The following ESYT3 variants were observed in gnomAD, a reference collection of about 807,000 sequenced individuals.
The protein encoded by ESYT3 is extended synaptotagmin-3.
In ESYT3, 101 loss-of-function variants were observed where a neutral mutation model predicts 111.5. That is an observed-to-expected ratio of 0.91 (90% CI 0.77 to 1.07). The LOEUF (loss-of-function observed/expected upper bound fraction) is 1.07. Ranked by LOEUF, ESYT3 falls within the 50% of genes least tolerant of loss-of-function variation. ESYT3 has a pLI of 0.00. For synonymous variants in ESYT3, 416 were observed against 446.8 expected (o/e 0.93, Z 0.87); for missense variants, 1,097 against 1,109.4 (o/e 0.99, Z 0.16).
rs1029599489 is a variant in ESYT3, at chr3:138,462,011, T to C, written c.795-75T>C. On this transcript the variant is annotated intron_variant, in intron 7 of 22. Transcript: ENST00000389567. ...CCTACCAATCTGGGCTCCTGGTTCC[T>C]GCTAGGGATGGAGTGGCAGGTGGCA... The C allele has an allele frequency of 8.7e-6, 14 of 1,605,910 alleles. No individual in the cohort carries two copies. In the African/African-American group the frequency reaches 1.5e-4, roughly 17 times the overall value.
In ESYT3 at chr3:138,473,351, G is replaced by A. The variant is rs541223763; in HGVS notation, c.2238-185G>A. 8.1e-6 allele frequency: 5 copies of A among 616,190 alleles called. No individual in the cohort carries two copies. In the Admixed American group the frequency reaches 9.6e-5, roughly 12 times the overall value. 38.2% of individuals were successfully genotyped at this position (616,190 alleles called of 1,614,324 possible). A position where few individuals can be genotyped will look rare whatever the true frequency, so the allele number is the denominator to read the frequency against. ...TCAGGGTTCCCGTTCTTCCTACTAT[G>A]AAGTAGGATAATTATACATGAATGC... is the stretch of plus-strand genomic sequence containing the variant. On this transcript the variant is annotated intron_variant, in intron 18 of 22. Transcript: ENST00000389567.
chr3:138,451,265 C>A lies in ESYT3; in HGVS notation c.328-783C>A, dbSNP rs563881166. Among the ~76,000 whole-genome samples, 4 of 152,220 alleles carry A rather than the reference C, an allele frequency of 2.6e-5. No homozygotes were observed. The South Asian group carries it at 8.3e-4, about 32-fold the overall frequency. ...GACCCCGTAGTTGGAAGCTATGTGA[C>A]TATAGGAAGGGCCTAAGGGGAAGGG... On this transcript the variant is annotated intron_variant, in intron 1 of 22. Transcript: ENST00000389567.
Position 138,474,326 on chromosome 3 carries a change from G to C in ESYT3, c.2442G>C (p.Lys814Asn). ...GTAAGAAGACTTCAGTGAAGCGGAA[G>C]ACCTTGGAACCCCTGTTTGATGAGA... ...ACRKKTSVKR[K>N]TLEPLFDETF... Residue 814 changes from lysine (K) to asparagine (N), a missense_variant, in exon 20 of 23, where the codon AAG (lysine) becomes AAC (asparagine). By Grantham distance (94) the Lys-to-Asn change is moderately conservative. Transcript: ENST00000389567. The C allele has an allele frequency of 6.2e-7, 1 of 1,602,786 alleles. No individual in the cohort carries two copies. The highest frequency in any genetic ancestry group is 2.2e-5 in the East Asian group (1 of 44,812).
In ESYT3 at chr3:138,473,039, C is replaced by T. The variant is rs2033312809; in HGVS notation, c.2237+180C>T. 6 of 1,450,558 alleles carry T rather than the reference C, an allele frequency of 4.1e-6. No homozygotes were observed. In the South Asian group the frequency reaches 7.3e-5, roughly 18 times the overall value. 89.9% of individuals were successfully genotyped at this position (1,450,558 alleles called of 1,614,324 possible). ...GACAAGGGAGAGAGAGCCAAACAGG[C>T]TGTTTATGGCTCTAGCTGCGTACTG... On this transcript the variant is annotated intron_variant, in intron 18 of 22. Coordinates refer to ENST00000389567, the MANE Select transcript of ESYT3 (RefSeq NM_031913.5).
Position 138,465,785 on chromosome 3 carries a change from G to A in ESYT3, c.1169+364G>A, listed in dbSNP as rs73864580. Among the ~76,000 whole-genome samples the A allele has an allele frequency of 4.4e-3, 670 of 152,288 alleles. 2 individuals carry two copies. Among genetic ancestry groups the A allele is most frequent in the African/African-American group, 0.016 (647 of 41,542 alleles). On this transcript the variant is annotated intron_variant, in intron 10 of 22. Transcript: ENST00000389567. ...CAAGGAACCCTGGGCCATGCTCTAG[G>A]GGGTAGAACCCAGCCCTTCAGGGGT...
intron 7 of ESYT3, 61 bp downstream of exon 7, chr3:138,460,727 G>C (rs1469786587): frequency 5.2e-6 from 8 of 1,538,226 alleles, no homozygotes; most frequent in Non-Finnish European, 7.2e-6. Context: ...GGGCTCTGCA[G>C]CCAGTGACAG....
At chr3:138,444,195 A>G (rs906829020) in intron 1 of ESYT3, among the ~76,000 whole-genome samples, 2 of 152,220 alleles carry the variant, frequency 1.3e-5, no homozygotes, top group African/African-American at 4.8e-5. Flanking sequence ...TTAAAATATT[A>G]GATCACTTTG....
At chr3:138,449,189 A>G (rs1262046633) in intron 1 of ESYT3, among the ~76,000 whole-genome samples, 3 of 150,318 alleles carry the variant, frequency 2.0e-5, no homozygotes. Flanking sequence ...GGTTCAAGCA[A>G]TTCTTCTGCC....
intron 2 of ESYT3, among the ~76,000 whole-genome samples, chr3:138,454,618 C>T (rs563543255): frequency 6.6e-6 from 1 of 152,224 alleles, no homozygotes; most frequent in Non-Finnish European, 1.5e-5. Context: ...TGCTGGCTGG[C>T]CCGCCCTCCA....
At position 138,467,623 on chromosome 3, in the gene ESYT3, T is replaced by C; in HGVS notation, c.1218+14T>C. The C allele has an allele frequency of 6.2e-7, 1 of 1,613,940 alleles. No homozygotes were observed. The highest frequency in any genetic ancestry group is 8.5e-7 in the Non-Finnish European group (1 of 1,179,880). On this transcript the variant is annotated intron_variant, in intron 11 of 22. Transcript: ENST00000389567. ...GTGGTGGATGAGGTACAGTTGGTGC[T>C]TGCAACCCTCGGGGGAGTTTCAAGG...
At chr3:138,449,078 T>C (rs1294201048) in intron 1 of ESYT3, among the ~76,000 whole-genome samples, 1 of 145,074 alleles carries the variant, frequency 6.9e-6, no homozygotes, top group African/African-American at 2.8e-5. Flanking sequence ...TACACTTTCT[T>C]TTTCTTTTTT....
chr3:138,457,357 T>G (rs995351592), intron 3 of ESYT3, among the ~76,000 whole-genome samples: 6 of 151,986 alleles, frequency 3.9e-5, no homozygotes, highest in African/African-American at 1.5e-4. Flanking sequence ...TGTGTGGCTG[T>G]GTGAGTAGGG....
intron 19 of ESYT3, 39 bp from the exon 20 acceptor site, chr3:138,474,182 C>CT: frequency 1.3e-6 from 2 of 1,578,884 alleles, no homozygotes; most frequent in Non-Finnish European, 1.7e-6. Context: ...AAACCAGGGC[C>CT]CTTTTTTTTT....
intron 22 of ESYT3, 63 bp downstream of exon 22, chr3:138,476,555 G>T: frequency 6.5e-7 from 1 of 1,534,236 alleles, no homozygotes; most frequent in Non-Finnish European, 9.0e-7. Flanking sequence ...TCCCTTTTCA[G>T]TACTGTTTCA....
chr3:138,468,669 T>G lies in ESYT3; in HGVS notation c.1323T>G (p.Leu441=). The change falls in exon 13 of 23, where the codon CTT becomes CTG. Residue 441 remains leucine (L), a synonymous_variant. Coordinates refer to ENST00000389567, the MANE Select transcript of ESYT3 (RefSeq NM_031913.5). ...QEVLTEDHGG[L]STAILVVFLE... is the part of the protein sequence containing the mutation. ...TCTGTTTGCAGGACCATGGTGGCCT[T>G]TCCACTGCCATTCTCGTGGTCTTCT... The G allele has an allele frequency of 1.2e-6, 2 of 1,614,116 alleles. No individual in the cohort carries two copies. The highest frequency in any genetic ancestry group is 1.7e-6 in the Non-Finnish European group (2 of 1,180,020).
chr3:138,455,210 G>T lies in ESYT3; in HGVS notation c.386G>T (p.Trp129Leu). Residue 129 changes from tryptophan to leucine, a missense_variant, in exon 3 of 23, where the codon TGG (tryptophan) becomes TTG (leucine). By Grantham distance (61) the Trp-to-Leu change is moderately conservative. Coordinates refer to ENST00000389567, the MANE Select transcript of ESYT3 (RefSeq NM_031913.5). ...EWANKIISQT[W>L]PYLSMIMESK... ...TCTTCACAGATCATCTCTCAGACCT[G>T]GCCCTACCTAAGCATGATCATGGAA... The T allele has an allele frequency of 6.2e-7, 1 of 1,614,154 alleles. No homozygotes were observed.
intron 20 of ESYT3, among the ~76,000 whole-genome samples, chr3:138,475,683 T>G (rs1322916530): frequency 6.6e-6 from 1 of 151,996 alleles, no homozygotes; most frequent in African/African-American, 2.4e-5. Context: ...ATCCCAGCAC[T>G]TTGGGAGGCT....
chr3:138,467,850 A>C (rs2033009303), intron 11 of ESYT3, among the ~76,000 whole-genome samples: 1 of 152,086 alleles, frequency 6.6e-6, no homozygotes, highest in Non-Finnish European at 1.5e-5. Context: ...GGGGACAGTC[A>C]CATTATAGGG....
In ESYT3 at chr3:138,434,927, G is replaced by C; in HGVS notation, c.129G>C (p.Leu43=). The C allele has an allele frequency of 6.4e-7, 1 of 1,552,148 alleles. No homozygotes were observed. Among genetic ancestry groups the C allele is most frequent in the Non-Finnish European group, 8.7e-7 (1 of 1,147,232 alleles). Residue 43 remains leucine (L), a synonymous_variant, in exon 1 of 23, where the codon CTG becomes CTC. Coordinates refer to ENST00000389567, the MANE Select transcript of ESYT3 (RefSeq NM_031913.5). The part of the protein sequence containing the change: ...PELCTFVVRV[L]FYLGPVYLAG... Reference sequence around the variant, plus strand: ...TCTGTACCTTCGTGGTGCGCGTGCTGTTCTACCTGGGGCCTGTCTACCTAG... The same window carrying C: ...TCTGTACCTTCGTGGTGCGCGTGCTCTTCTACCTGGGGCCTGTCTACCTAG...
Sources: allele counts gnomAD v4.1 joint callset (sites outside exome capture counted in the v4.1 genomes callset), GRCh38; gene constraint gnomAD v4.1.1; transcripts MANE v1.5; gene names NCBI Gene and HGNC (gene_info 2026-07-23, HGNC 2026-07-21).